NEK1: variants seen among roughly 807,000 people sequenced by gnomAD.
The protein encoded by NEK1 is NIMA related kinase 1.
A neutral mutation model predicts 182.1 loss-of-function variants in NEK1; 137 were observed. The ratio of observed to expected loss-of-function variants is 0.75; its 90% CI spans 0.65 to 0.87. The LOEUF (loss-of-function observed/expected upper bound fraction) is 0.87. Ranked by LOEUF, NEK1 falls within the 40% of genes least tolerant of loss-of-function variation. The pLI is 0.00. For synonymous variants in NEK1, 513 were observed against 492.2 expected (o/e 1.04, Z -0.56); for missense variants, 1,391 against 1,494.4 (o/e 0.93, Z 1.14).
chr4:169,450,814 C>A (rs1741572411), intron 27 of NEK1, among the ~76,000 whole-genome samples: 1 of 152,116 alleles, frequency 6.6e-6, no homozygotes, highest in African/African-American at 2.4e-5. Context: ...ACAATATTAA[C>A]CTTAAATATA....
intron 32 of NEK1, 105 bp from the exon 33 acceptor site, chr4:169,401,965 A>T: frequency 1.2e-6 from 1 of 857,328 alleles, no homozygotes; most frequent in East Asian, 2.7e-5. Context: ...CTCAATACGT[A>T]GGCACTTCTT....
Position 169,465,608 on chromosome 4 carries a change from G to T in NEK1, c.2435-2213C>A, listed in dbSNP as rs530573060. Among the ~76,000 whole-genome samples, 44 of 152,126 alleles carry T rather than the reference G, an allele frequency of 2.9e-4. 1 individual carries two copies. In the South Asian group the frequency reaches 9.1e-3, roughly 31 times the overall value. ...AAAAGACCACTCAAAAGAAGCAGAG[G>T]TAACAATACTTCGAGTTCACACAGT... On this transcript the variant is annotated intron_variant, in intron 26 of 35. Coordinates refer to ENST00000507142, the MANE Select transcript of NEK1 (RefSeq NM_001199397.3).
intron 2 of NEK1, among the ~76,000 whole-genome samples, chr4:169,602,927 C>G (rs1307191000): frequency 6.6e-6 from 1 of 152,094 alleles, no homozygotes; most frequent in Non-Finnish European, 1.5e-5. Flanking sequence ...ACTGCATATA[C>G]TTAATGTATG....
At chr4:169,574,514 G>T (rs1765380367) in intron 12 of NEK1, among the ~76,000 whole-genome samples, 2 of 152,118 alleles carry the variant, frequency 1.3e-5, no homozygotes, top group Admixed American at 1.3e-4. Flanking sequence ...GGCTGAGGCG[G>T]GAGAATGGCG....
intron 2 of NEK1, among the ~76,000 whole-genome samples, chr4:169,610,957 TC>T (rs1408515519): frequency 9.8e-5 from 15 of 152,344 alleles, no homozygotes; most frequent in African/African-American, 3.1e-4. Context: ...TTCTTTATCT[TC>T]CTTTATTCGA....
chr4:169,574,669 A>C (rs150171128), intron 12 of NEK1, among the ~76,000 whole-genome samples: 84 of 152,054 alleles, frequency 5.5e-4, no homozygotes, highest in African/African-American at 2.0e-3. Flanking sequence ...GAAGAGCAGT[A>C]GGTGATACAG....
At chr4:169,437,428 G>A (rs1738620505) in intron 28 of NEK1, among the ~76,000 whole-genome samples, 1 of 152,078 alleles carries the variant, frequency 6.6e-6, no homozygotes, top group Non-Finnish European at 1.5e-5. Context: ...GCAGACTATG[G>A]CAGATTTAGG....
chr4:169,477,563 T>C (rs1747201115), intron 24 of NEK1, 66 bp from the exon 25 acceptor site: 1 of 1,200,126 alleles, frequency 8.3e-7, no homozygotes. Flanking sequence ...TTTAAAAATA[T>C]TACATCCTCG....
At chr4:169,399,672 G>A (rs986928358) in intron 35 of NEK1, among the ~76,000 whole-genome samples, 2 of 152,102 alleles carry the variant, frequency 1.3e-5, no homozygotes, top group Non-Finnish European at 2.9e-5. Flanking sequence ...CCAAGGCTGA[G>A]TGCAGTAGCA....
chr4:169,451,119 G>C (rs980358378), intron 27 of NEK1, among the ~76,000 whole-genome samples: 1 of 152,000 alleles, frequency 6.6e-6, no homozygotes, highest in Non-Finnish European at 1.5e-5. Context: ...AATACAGGAG[G>C]ACCCAGATTC....
intron 23 of NEK1, 51 bp downstream of exon 23, chr4:169,506,986 G>T (rs1580318820): frequency 8.1e-7 from 1 of 1,231,706 alleles, no homozygotes; most frequent in East Asian, 2.4e-5. Context: ...CCCAGGAAGA[G>T]CTATAAAAAT....
chr4:169,502,427 C>CA (rs1561307197), intron 23 of NEK1, among the ~76,000 whole-genome samples: 1 of 151,778 alleles, frequency 6.6e-6, no homozygotes, highest in Admixed American at 6.6e-5. Flanking sequence ...AAGGGCACAA[C>CA]AAAAAAAGAA....
chr4:169,432,994 T>A (rs533403013), intron 29 of NEK1, among the ~76,000 whole-genome samples: 241 of 151,100 alleles, frequency 1.6e-3, no homozygotes, highest in Non-Finnish European at 2.5e-3. Flanking sequence ...CGAGCTCCTG[T>A]CCTCAGGTGA....
intron 12 of NEK1, among the ~76,000 whole-genome samples, chr4:169,569,983 T>C (rs1248424972): frequency 7.0e-6 from 1 of 143,292 alleles, no homozygotes; most frequent in East Asian, 2.2e-4. Context: ...CCCCTCTGCC[T>C]GGCTGCCCAG....
At position 169,436,779 on chromosome 4, in the gene NEK1, G is replaced by A. The variant is rs529407622; in HGVS notation, c.2764+1304C>T. On this transcript the variant is annotated intron_variant, in intron 28 of 35. Coordinates refer to ENST00000507142, the MANE Select transcript of NEK1 (RefSeq NM_001199397.3). The stretch of plus-strand genomic sequence containing the variant: ...GGTTGTGCACATAAGATCTGTTACA[G>A]CACAGAAAGATTTAAAGGCATGTCT... 2.2e-4 allele frequency among the ~76,000 whole-genome samples: 33 copies of A among 152,308 alleles called. No individual in the cohort carries two copies. In the South Asian group the frequency reaches 6.8e-3, roughly 32 times the overall value.
Position 169,400,669 on chromosome 4 carries a change from AAT to A in NEK1, c.3584-20_3584-19del, listed in dbSNP as rs1257241671. On this transcript the variant is annotated intron_variant, in intron 33 of 35. Transcript: ENST00000507142. ...ACTGTTATCTAAAAAACAAAATTAA[AAT>A]AGAGATTTGATTTAAAAAGACTGAA... is the stretch of plus-strand genomic sequence containing the variant. 1 of 1,537,724 alleles carries A rather than the reference AAT, an allele frequency of 6.5e-7. No individual in the cohort carries two copies. The highest frequency in any genetic ancestry group is 2.4e-5 in the East Asian group (1 of 41,960).
intron 26 of NEK1, among the ~76,000 whole-genome samples, chr4:169,469,714 T>A (rs559915057): frequency 2.0e-4 from 31 of 152,300 alleles, no homozygotes; most frequent in Admixed American, 2.0e-3. Context: ...ATATTGACAG[T>A]GGGGTGTTAA....
intron 27 of NEK1, among the ~76,000 whole-genome samples, chr4:169,457,457 A>AAC (rs1387104294): frequency 2.0e-5 from 3 of 151,702 alleles, no homozygotes; most frequent in Non-Finnish European, 4.4e-5. Flanking sequence ...GAGAAAAAAA[A>AAC]ACAGAATACT....
At chr4:169,412,935 G>T (rs1359247265) in intron 31 of NEK1, among the ~76,000 whole-genome samples, 1 of 151,706 alleles carries the variant, frequency 6.6e-6, no homozygotes, top group Non-Finnish European at 1.5e-5. Context: ...AAAGAGGGAG[G>T]CAAGGAGAGA....
Sources: allele counts gnomAD v4.1 joint callset (sites outside exome capture counted in the v4.1 genomes callset), GRCh38; gene constraint gnomAD v4.1.1; transcripts MANE v1.5; gene names NCBI Gene and HGNC (gene_info 2026-07-23, HGNC 2026-07-21).